The following STIM1 variants were observed in gnomAD, a reference collection of about 807,000 sequenced individuals.
The protein encoded by STIM1 is stromal interaction molecule 1.
In STIM1, 25 loss-of-function variants were observed where a neutral mutation model predicts 74.7. The observed-to-expected ratio is 0.33, with a 90% CI of 0.24 to 0.47. The LOEUF (loss-of-function observed/expected upper bound fraction) is 0.47, where lower values mean the gene tolerates loss of function less well. Ranked by LOEUF, STIM1 falls within the 20% of genes least tolerant of loss-of-function variation. STIM1 has a pLI of 1.00. For synonymous variants in STIM1, 328 were observed against 348.8 expected (o/e 0.94, Z 0.66); for missense variants, 728 against 920.8 (o/e 0.79, Z 2.71).
At chr11:3,950,135 T>C (rs2093127298) in intron 1 of STIM1, among the ~76,000 whole-genome samples, 1 of 120,760 alleles carries the variant, frequency 8.3e-6, no homozygotes, top group Non-Finnish European at 1.7e-5. Flanking sequence ...AGGTCATTCA[T>C]TTTTTTTTTT....
chr11:3,890,982 C>G (rs1164204902), intron 1 of STIM1, among the ~76,000 whole-genome samples: 1 of 152,128 alleles, frequency 6.6e-6, no homozygotes, highest in Admixed American at 6.5e-5. Flanking sequence ...CCCATGGGAC[C>G]TACCAGGAAG....
At chr11:3,942,881 G>A (rs1265714696) in intron 1 of STIM1, among the ~76,000 whole-genome samples, 1 of 152,148 alleles carries the variant, frequency 6.6e-6, no homozygotes, top group Non-Finnish European at 1.5e-5. Context: ...GTGTTTGAGA[G>A]CAAGGTAGAG....
intron 1 of STIM1, among the ~76,000 whole-genome samples, chr11:3,952,482 C>A (rs182395928): frequency 3.5e-4 from 53 of 151,654 alleles, no homozygotes; most frequent in Non-Finnish European, 7.4e-5. Flanking sequence ...TTGTATAGAG[C>A]TTTACTATTT....
intron 5 of STIM1, among the ~76,000 whole-genome samples, chr11:4,066,716 A>C (rs1391545188): frequency 6.6e-6 from 1 of 152,184 alleles, no homozygotes; most frequent in East Asian, 1.9e-4. Flanking sequence ...CACACAAGAC[A>C]GTCCCTGAGA....
At chr11:4,024,039 G>C (rs1239096414) in intron 3 of STIM1, 52 bp downstream of exon 3, 1 of 1,495,840 alleles carries the variant, frequency 6.7e-7, no homozygotes, top group South Asian at 1.1e-5. Context: ...TTAGAGAAGA[G>C]AGAAGCAGCA....
At chr11:3,909,264 C>T (rs2092520144) in intron 1 of STIM1, among the ~76,000 whole-genome samples, 1 of 152,108 alleles carries the variant, frequency 6.6e-6, no homozygotes, top group Non-Finnish European at 1.5e-5. Context: ...GTTCAAGTGC[C>T]GTCCTAATAG....
At chr11:4,064,336 T>A (rs7936617) in intron 5 of STIM1, among the ~76,000 whole-genome samples, 8,848 of 152,208 alleles carry the variant, frequency 0.058, 298 homozygotes, top group Non-Finnish European at 0.085. Flanking sequence ...AGACTTTATT[T>A]CCCCTCTGAG....
intron 1 of STIM1, among the ~76,000 whole-genome samples, chr11:3,928,186 T>C (rs764948690): frequency 2.0e-5 from 3 of 152,142 alleles, no homozygotes; most frequent in Non-Finnish European, 4.4e-5. Flanking sequence ...ATATTTTTTC[T>C]TTCGATATGT....
chr11:4,067,261 T>A, intron 5 of STIM1, among the ~76,000 whole-genome samples: 1 of 152,208 alleles, frequency 6.6e-6, no homozygotes, highest in Middle Eastern at 3.2e-3. Flanking sequence ...AGAACCAGGC[T>A]TCCCAACACA....
intron 1 of STIM1, among the ~76,000 whole-genome samples, chr11:3,937,716 T>C (rs1316026899): frequency 1.3e-5 from 2 of 152,118 alleles, no homozygotes; most frequent in East Asian, 1.9e-4. Flanking sequence ...TATATGTATA[T>C]AAGCTCATCC....
Position 3,924,267 on chromosome 11 carries a change from C to T in STIM1, c.140-43285C>T, listed in dbSNP as rs561573441. Among the ~76,000 whole-genome samples the T allele has an allele frequency of 8.8e-5, 13 of 148,362 alleles. No homozygotes were observed. The South Asian group carries it at 1.3e-3, about 14-fold the overall frequency. ...AGTCTGGAGTGCAGTGGCGCAATCT[C>T]GGCTCACTGCAAGCTCTGCCTCCCG... On this transcript the variant is annotated intron_variant, in intron 1 of 12. Transcript: ENST00000526596.
intron 4 of STIM1, among the ~76,000 whole-genome samples, 164 bp downstream of exon 4, chr11:4,055,801 A>G (rs1409420490): frequency 6.6e-6 from 1 of 152,216 alleles, no homozygotes; most frequent in African/African-American, 2.4e-5. Context: ...GCTATAAAGT[A>G]TGATGGGCGC....
intron 2 of STIM1, chr11:3,973,140 A>G (rs1214705535): frequency 2.4e-6 from 1 of 413,176 alleles, no homozygotes; most frequent in Non-Finnish European, 4.8e-6. Flanking sequence ...GCCCCTCTAT[A>G]ACCACTGTTG....
chr11:3,897,446 T>G (rs2092215676), intron 1 of STIM1, among the ~76,000 whole-genome samples: 2 of 152,216 alleles, frequency 1.3e-5, no homozygotes, highest in African/African-American at 2.4e-5. Context: ...TCTGGGTAAC[T>G]GTGGAATAGC....
rs200212136 is a variant in STIM1, at chr11:3,856,166, G to A, written c.-105G>A. Reference sequence around the variant, plus strand: ...TGGCTGGACAGCTGCGGAGCCGCGAGGGCATCTTGCCTGGAGACCGTCGGC... The same window carrying A: ...TGGCTGGACAGCTGCGGAGCCGCGAAGGCATCTTGCCTGGAGACCGTCGGC... On this transcript the variant is annotated 5_prime_UTR_variant, in exon 1 of 13. Coordinates refer to ENST00000526596, the MANE Select transcript of STIM1 (RefSeq NM_001382567.1). 368 of 1,495,850 alleles carry A rather than the reference G, an allele frequency of 2.5e-4. 4 individuals are homozygous for A. The South Asian group carries it at 3.9e-3, about 16-fold the overall frequency. The allele number at this position is 1,495,850 out of a possible 1,614,324, so 92.7% of individuals were successfully genotyped here.
chr11:4,080,748 G>A (rs530686183), intron 7 of STIM1, among the ~76,000 whole-genome samples: 1 of 152,326 alleles, frequency 6.6e-6, no homozygotes, highest in East Asian at 1.9e-4. Flanking sequence ...TTACAGGCGT[G>A]AGCCACTGTG....
At chr11:3,906,660 AT>A (rs767404456) in intron 1 of STIM1, among the ~76,000 whole-genome samples, 1 of 152,094 alleles carries the variant, frequency 6.6e-6, no homozygotes, top group Non-Finnish European at 1.5e-5. Flanking sequence ...AAAAATTTAA[AT>A]TTTGTCTAGG....
At chr11:4,023,737 C>A in intron 2 of STIM1, 136 bp from the exon 3 acceptor site, 1 of 698,478 alleles carries the variant, frequency 1.4e-6, no homozygotes, top group Non-Finnish European at 2.6e-6. Flanking sequence ...AGGAAGGATA[C>A]ATGAGTGATG....
intron 1 of STIM1, among the ~76,000 whole-genome samples, chr11:3,888,485 T>C (rs1237844125): frequency 6.6e-6 from 1 of 152,194 alleles, no homozygotes; most frequent in African/African-American, 2.4e-5. Flanking sequence ...TTTAATATTA[T>C]AACCCAGGTT....
Sources: gnomAD v4.1 joint callset for allele counts (sites outside exome capture counted in the v4.1 genomes callset) on GRCh38, gnomAD v4.1.1 for gene constraint, MANE v1.5 for transcripts, NCBI Gene and HGNC (gene_info 2026-07-23, HGNC 2026-07-21) for gene names.